Variants in EML5 observed in about 807,000 individuals in gnomAD.
EML5 encodes EMAP like 5, also known as echinoderm microtubule-associated protein-like 5.
A neutral mutation model predicts 250.0 loss-of-function variants in EML5; 120 were observed. That is an observed-to-expected ratio of 0.48 (90% CI 0.41 to 0.56). EML5 has a LOEUF of 0.56. Among genes scored for constraint, EML5 ranks in the 20% least tolerant of loss-of-function variants. The probability of loss-of-function intolerance (pLI) is 0.00; values close to 1 mark genes in which losing one functional copy is unlikely to be tolerated. For synonymous variants in EML5, 771 were observed against 806.5 expected, an observed-to-expected ratio of 0.96 and a Z score of 0.75; for missense variants, 2,006 against 2,437.6, an observed-to-expected ratio of 0.82 and a Z score of 3.73.
At chr14:88,747,766 T>C (rs2094028630) in intron 2 of EML5, among the ~76,000 whole-genome samples, 1 of 151,800 alleles carries the variant, frequency 6.6e-6, no homozygotes, top group African/African-American at 2.4e-5. Context: ...TAGCAGGAGA[T>C]GAAAAGACAA....
chr14:88,757,740 T>C (rs1442504892), intron 1 of EML5, among the ~76,000 whole-genome samples: 2 of 152,080 alleles, frequency 1.3e-5, no homozygotes, highest in Non-Finnish European at 2.9e-5. Context: ...AGCAGGGAAA[T>C]ACAAATCAAA....
At chr14:88,759,479 T>C (rs1203338121) in intron 1 of EML5, among the ~76,000 whole-genome samples, 5 of 149,622 alleles carry the variant, frequency 3.3e-5, no homozygotes. Flanking sequence ...AGGCTAGGAG[T>C]TCAAGACCAG....
At chr14:88,643,043 C>A in intron 30 of EML5, 21 bp from the exon 31 acceptor site, 1 of 1,545,878 alleles carries the variant, frequency 6.5e-7, no homozygotes, top group Admixed American at 2.4e-5. Context: ...AATAATAAAA[C>A]CATTATATTC....
chr14:88,635,371 A>G lies in EML5; in HGVS notation c.4337-882T>C, dbSNP rs1232239208. Among the ~76,000 whole-genome samples, 8 of 152,228 alleles carry G rather than the reference A, an allele frequency of 5.3e-5. No individual in the cohort carries two copies. In the East Asian group the frequency reaches 9.6e-4, roughly 18 times the overall value. On this transcript the variant is annotated intron_variant, in intron 32 of 43. Coordinates refer to ENST00000554922, the MANE Select transcript of EML5 (RefSeq NM_183387.3). ...TCATTTTTAGTTATGAATATGCTCT[A>G]TTAACAACCAAATGGTGAGAGGGCT...
intron 23 of EML5, 77 bp downstream of exon 23, chr14:88,664,416 A>T: frequency 8.2e-7 from 1 of 1,225,294 alleles, no homozygotes; most frequent in Non-Finnish European, 1.1e-6. Context: ...CTGTTGAATC[A>T]CTTTTCCGTT....
In EML5 at chr14:88,644,460, A is replaced by T; in HGVS notation, c.4080T>A (p.Asn1360Lys). 6.2e-7 allele frequency: 1 copy of T among 1,613,604 alleles called. No individual in the cohort carries two copies. Among genetic ancestry groups the T allele is most frequent in the Non-Finnish European group, 8.5e-7 (1 of 1,179,744 alleles). Reference sequence around the variant, plus strand: ...CTATAGGTCTCTTTTTCTTGCCTACATTGTTTGTCTGGAGTTTCTCTGGCT... The same window carrying T: ...CTATAGGTCTCTTTTTCTTGCCTACTTTGTTTGTCTGGAGTTTCTCTGGCT... The part of the protein sequence containing the change: ...PPQPEKLQTN[N>K]VGKKKRPIED... The change falls in exon 30 of 44, where the codon AAT becomes AAA. Residue 1360 changes from asparagine to lysine, a missense_variant. Physicochemically the swap from Asn to Lys is moderately conservative, Grantham distance 94 (BLOSUM62 0). Around this residue, in one of 7 missense-constraint regions of EML5, gnomAD observed 1,375 missense variants for 1,590.3 expected, o/e 0.86. Coordinates refer to ENST00000554922, the MANE Select transcript of EML5 (RefSeq NM_183387.3).
intron 37 of EML5, chr14:88,621,862 T>G (rs1229893940): frequency 6.6e-6 from 3 of 456,474 alleles, no homozygotes; most frequent in Non-Finnish European, 1.3e-5. Flanking sequence ...ACATTTATCA[T>G]TTCTTTGTGA....
chr14:88,769,963 G>A (rs1032952376), intron 1 of EML5, among the ~76,000 whole-genome samples: 1 of 143,706 alleles, frequency 7.0e-6, no homozygotes, highest in Non-Finnish European at 1.5e-5. Flanking sequence ...AGCATTATGT[G>A]CAGTTTTTTT....
chr14:88,723,940 A>T (rs1437838787), intron 8 of EML5, among the ~76,000 whole-genome samples: 1 of 152,142 alleles, frequency 6.6e-6, no homozygotes, highest in Non-Finnish European at 1.5e-5. Context: ...ATTTTCTTCC[A>T]ACTCTAACAT....
At chr14:88,624,848 C>G in intron 36 of EML5, 122 bp downstream of exon 36, 2 of 1,028,918 alleles carry the variant, frequency 1.9e-6, no homozygotes, top group Non-Finnish European at 2.8e-6. Context: ...AAAGGAGAAG[C>G]ATATGAGGAG....
intron 28 of EML5, among the ~76,000 whole-genome samples, chr14:88,647,163 C>T (rs1251801319): frequency 2.0e-5 from 3 of 152,204 alleles, no homozygotes; most frequent in Admixed American, 6.5e-5. Flanking sequence ...GAGTTCGAGA[C>T]CAGCCTGGCC....
intron 21 of EML5, among the ~76,000 whole-genome samples, chr14:88,670,266 G>C (rs2141034230): frequency 6.9e-6 from 1 of 145,012 alleles, no homozygotes; most frequent in Admixed American, 7.1e-5. Context: ...GTTGCAGTGG[G>C]CCAAGATCAT....
intron 1 of EML5, among the ~76,000 whole-genome samples, chr14:88,774,040 A>G (rs960799160): frequency 6.6e-6 from 1 of 152,052 alleles, no homozygotes; most frequent in African/African-American, 2.4e-5. Flanking sequence ...AATCGCTCGA[A>G]CCCGGAGGCA....
In EML5 at chr14:88,712,345, T is replaced by C. The variant is rs750776675; in HGVS notation, c.1583A>G (p.Tyr528Cys). 6 of 1,613,124 alleles carry C rather than the reference T, an allele frequency of 3.7e-6. No individual in the cohort carries two copies. Among genetic ancestry groups the C allele is most frequent in the East Asian group, 2.2e-5 (1 of 44,816 alleles). ...INDINSVDGN[Y>C]IGQVLVTADD... ...AGCTGTAACTAAAACTTGGCCAATA[T>C]AATTTCCATCTACTGAATTTATATC... Residue 528 changes from tyrosine to cysteine, a missense_variant, in exon 10 of 44, where the codon TAT becomes TGT. Tyr to Cys is a radical substitution (Grantham distance 194, BLOSUM62 -2). Coordinates refer to ENST00000554922, the MANE Select transcript of EML5 (RefSeq NM_183387.3).
At chr14:88,721,612 TAACTC>T (rs1433665221) in intron 8 of EML5, among the ~76,000 whole-genome samples, 1 of 151,944 alleles carries the variant, frequency 6.6e-6, no homozygotes, top group African/African-American at 2.4e-5. Flanking sequence ...ATACAAAAAT[TAACTC>T]AAGAGGGATT....
intron 10 of EML5, among the ~76,000 whole-genome samples, chr14:88,708,372 A>G (rs2093352250): frequency 6.6e-6 from 1 of 152,108 alleles, no homozygotes; most frequent in South Asian, 2.1e-4. Context: ...GTAATAGTCT[A>G]TTTACTTGTT....
intron 1 of EML5, among the ~76,000 whole-genome samples, chr14:88,781,147 G>T (rs895240717): frequency 6.6e-6 from 1 of 152,136 alleles, no homozygotes; most frequent in Non-Finnish European, 1.5e-5. Flanking sequence ...GGGTTTAGGC[G>T]GGCAAAGATG....
Position 88,665,256 on chromosome 14 carries a change from G to C in EML5, c.3277+81C>G, listed in dbSNP as rs1294026915. The C allele has an allele frequency of 5.0e-6, 7 of 1,413,264 alleles. No homozygotes were observed. The East Asian group carries it at 1.5e-4, about 30-fold the overall frequency. The allele number at this position is 1,413,264 out of a possible 1,614,324, so 87.5% of individuals were successfully genotyped here. A position where few individuals can be genotyped will look rare whatever the true frequency, so the allele number is the denominator to read the frequency against. On this transcript the variant is annotated intron_variant, in intron 22 of 43. Transcript: ENST00000554922. ...AGTTAAGTTCTGAGATAACATAACA[G>C]TTAATAAAAATTATACATTGATACA...
intron 27 of EML5, among the ~76,000 whole-genome samples, chr14:88,653,676 T>C (rs2091742156): frequency 6.6e-6 from 1 of 152,202 alleles, no homozygotes; most frequent in African/African-American, 2.4e-5. Context: ...AGCTTTTTGA[T>C]GTGCTGCTGG....
Sources: gnomAD v4.1 joint callset for allele counts (sites outside exome capture counted in the v4.1 genomes callset) on GRCh38, gnomAD v4.1.1 for gene constraint, gnomAD v4.1.1 regional missense constraint, MANE v1.5 for transcripts, NCBI Gene and HGNC (gene_info 2026-07-23, HGNC 2026-07-21) for gene names.